MYO18B: variants seen among roughly 807,000 people sequenced by gnomAD.
The protein encoded by MYO18B is myosin XVIIIB, also known as unconventional myosin-XVIIIb.
MYO18B carries 204 observed loss-of-function variants against 273.0 expected under a neutral mutation model. The observed-to-expected ratio is 0.75, with a 90% CI of 0.67 to 0.84. The LOEUF is 0.84. MYO18B is among the 40% of genes least tolerant of loss of function. MYO18B has a pLI of 0.00. For missense variants in MYO18B, 3,212 were observed against 3,287.6 expected (o/e 0.98, Z 0.56); for synonymous variants, 1,330 against 1,305.7 (o/e 1.02, Z -0.40).
intron 14 of MYO18B, among the ~76,000 whole-genome samples, chr22:25,828,509 A>AT (rs769541770): frequency 0.012 from 1,713 of 143,324 alleles, 36 homozygotes; most frequent in African/African-American, 0.037. Flanking sequence ...TAAGCTAGTC[A>AT]TTTTTTTTTT....
intron 21 of MYO18B, among the ~76,000 whole-genome samples, chr22:25,864,971 C>T (rs1270706261): frequency 6.6e-6 from 1 of 152,184 alleles, no homozygotes; most frequent in African/African-American, 2.4e-5. Flanking sequence ...TGTCTTTTTC[C>T]ACCAACTGGT....
chr22:25,960,347 A>G (rs971174110), intron 39 of MYO18B, among the ~76,000 whole-genome samples: 1 of 152,264 alleles, frequency 6.6e-6, no homozygotes, highest in Non-Finnish European at 1.5e-5. Flanking sequence ...TGGTCCCAAG[A>G]CTGGGTAATC....
At chr22:25,990,756 G>C (rs1224186687) in intron 39 of MYO18B, among the ~76,000 whole-genome samples, 1 of 138,766 alleles carries the variant, frequency 7.2e-6, no homozygotes, top group Non-Finnish European at 1.5e-5. Context: ...GGCTAAGAGA[G>C]GGGCTGTGAG....
chr22:25,941,827 A>T (rs9613043), intron 34 of MYO18B, among the ~76,000 whole-genome samples: 76,220 of 151,990 alleles, frequency 0.5, 19,496 homozygotes, highest in Middle Eastern at 0.61. Flanking sequence ...TGCCTCTGGG[A>T]CACTGACCTC....
chr22:26,049,088 G>GA, the MYO18B span, among the ~76,000 whole-genome samples: 96 of 150,778 alleles, frequency 6.4e-4, no homozygotes, highest in African/African-American at 1.8e-3. Flanking sequence ...TCTAAAATCT[G>GA]AAAAAAAAAG....
chr22:25,897,907 G>A (rs2091844818), intron 28 of MYO18B: 1 of 164,368 alleles, frequency 6.1e-6, no homozygotes, highest in Non-Finnish European at 1.3e-5. Context: ...AGATTTTCTA[G>A]GTATGTCATT....
At chr22:25,830,721 C>T (rs946976450) in intron 15 of MYO18B, among the ~76,000 whole-genome samples, 4 of 152,086 alleles carry the variant, frequency 2.6e-5, no homozygotes, top group Admixed American at 1.3e-4. Flanking sequence ...CCACTGTGTT[C>T]GGTGAGTCAC....
At chr22:25,842,065 CA>C (rs2090098421) in intron 17 of MYO18B, among the ~76,000 whole-genome samples, 1 of 152,250 alleles carries the variant, frequency 6.6e-6, no homozygotes, top group Non-Finnish European at 1.5e-5. Context: ...TTATCCTGGA[CA>C]GGGGCAATCT....
chr22:25,942,973 T>C (rs9613045), intron 34 of MYO18B, among the ~76,000 whole-genome samples: 45,096 of 151,890 alleles, frequency 0.3, 8,462 homozygotes, highest in Non-Finnish European at 0.43. Flanking sequence ...AAAATGGGGA[T>C]AAAAATAGAG....
intron 1 of MYO18B, among the ~76,000 whole-genome samples, chr22:25,749,675 G>C (rs577823920): frequency 6.6e-6 from 1 of 152,310 alleles, no homozygotes; most frequent in South Asian, 2.1e-4. Context: ...GGCATGCCAC[G>C]TGGATGTCAG....
At chr22:26,062,038 C>G in the MYO18B span, among the ~76,000 whole-genome samples, 1 of 152,288 alleles carries the variant, frequency 6.6e-6, no homozygotes, top group African/African-American at 2.4e-5. Context: ...GAGCATGGAA[C>G]TTTTCTTCTC....
intron 42 of MYO18B, among the ~76,000 whole-genome samples, chr22:26,020,819 T>C (rs771813215): frequency 6.6e-6 from 1 of 152,178 alleles, no homozygotes; most frequent in Non-Finnish European, 1.5e-5. Context: ...CCGGGCACCG[T>C]GACTCACGCC....
intron 39 of MYO18B, among the ~76,000 whole-genome samples, chr22:25,987,360 G>A (rs1252399282): frequency 6.6e-6 from 1 of 152,156 alleles, no homozygotes; most frequent in South Asian, 2.1e-4. Flanking sequence ...GGAGTAGCCC[G>A]GGGGTTTAAC....
chr22:25,948,443 C>CTTTCT (rs1569225056), intron 36 of MYO18B, among the ~76,000 whole-genome samples: 28 of 114,452 alleles, frequency 2.4e-4, no homozygotes, highest in African/African-American at 9.8e-4. Context: ...TCCTTCCTTC[C>CTTTCT]TTCCTTCCTT....
At chr22:25,954,837 A>G (rs1287978192) in intron 38 of MYO18B, among the ~76,000 whole-genome samples, 6 of 152,060 alleles carry the variant, frequency 3.9e-5, no homozygotes, top group Admixed American at 3.9e-4. Context: ...TCAGCCTCCC[A>G]AGTAGCAGGG....
intron 32 of MYO18B, among the ~76,000 whole-genome samples, chr22:25,910,378 C>A (rs2092131686): frequency 6.6e-6 from 1 of 152,094 alleles, no homozygotes; most frequent in Non-Finnish European, 1.5e-5. Context: ...ACTCACCCCA[C>A]CATGAAAGCT....
intron 27 of MYO18B, among the ~76,000 whole-genome samples, chr22:25,891,879 T>G (rs2091671448): frequency 6.6e-6 from 1 of 151,988 alleles, no homozygotes; most frequent in South Asian, 2.1e-4. Context: ...ATTTAAAAAA[T>G]TAGCCTGGTG....
At chr22:25,850,426 G>A (rs970284932) in intron 20 of MYO18B, among the ~76,000 whole-genome samples, 2 of 152,118 alleles carry the variant, frequency 1.3e-5, no homozygotes, top group African/African-American at 4.8e-5. Context: ...GTAACTAGGT[G>A]AATTCATCTC....
At chr22:25,962,284 G>A (rs911806726) in intron 39 of MYO18B, among the ~76,000 whole-genome samples, 4 of 152,098 alleles carry the variant, frequency 2.6e-5, no homozygotes, top group African/African-American at 9.7e-5. Flanking sequence ...CCCCATCAAT[G>A]CATGTGTCAC....
Sources: gnomAD v4.1 joint callset for allele counts (sites outside exome capture counted in the v4.1 genomes callset) on GRCh38, gnomAD v4.1.1 for gene constraint, MANE v1.5 for transcripts, NCBI Gene and HGNC (gene_info 2026-07-23, HGNC 2026-07-21) for gene names.